Variants in ZNF639 observed in about 807,000 individuals in gnomAD.
The protein encoded by ZNF639 is zinc finger protein 639, also known as zinc finger amplified in esophageal squamous cell carcinomas 1.
Under a neutral mutation model 39.8 loss-of-function variants are expected in ZNF639, and 20 were observed. The observed-to-expected ratio is 0.50, with a 90% CI of 0.35 to 0.73. The LOEUF (loss-of-function observed/expected upper bound fraction) is 0.73, where lower values mean the gene tolerates loss of function less well. Ranked by LOEUF, ZNF639 falls within the 30% of genes least tolerant of loss-of-function variation. The pLI, the probability that ZNF639 is intolerant of heterozygous loss-of-function variation, is 0.00. For missense variants in ZNF639, 477 were observed against 566.2 expected, an observed-to-expected ratio of 0.84 and a Z score of 1.60; for synonymous variants, 176 against 189.8, an observed-to-expected ratio of 0.93 and a Z score of 0.60.
Position 179,327,029 on chromosome 3 carries a change from A to C in ZNF639, c.-82-532A>C, listed in dbSNP as rs552839971. Among the ~76,000 whole-genome samples the C allele has an allele frequency of 4.6e-5, 7 of 151,986 alleles. No individual in the cohort carries two copies. In the South Asian group the frequency reaches 1.5e-3, roughly 32 times the overall value. ...ACATGGTGAAACCCCGTCTCTGCTA[A>C]AAATAGAAAAATTAGCCCGGTGTGG... is the stretch of plus-strand genomic sequence containing the variant. On this transcript the variant is annotated intron_variant, in intron 1 of 5. Coordinates refer to ENST00000496856, the MANE Select transcript of ZNF639 (RefSeq NM_001303426.2).
Position 179,333,139 on chromosome 3 carries a change from T to C in ZNF639, c.304+16T>C. ...TTTTCTACAGGTTGGGGGAACTAAT[T>C]TATAGCATTGATATATTTTGTATTG... On this transcript the variant is annotated intron_variant, in intron 5 of 5. Coordinates refer to ENST00000496856, the MANE Select transcript of ZNF639 (RefSeq NM_001303426.2). The C allele has an allele frequency of 3.8e-6, 6 of 1,581,934 alleles. No individual in the cohort carries two copies. The highest frequency in any genetic ancestry group is 5.1e-6 in the Non-Finnish European group (6 of 1,168,666).
At position 179,335,774 on chromosome 3, in the gene ZNF639, C is replaced by CTTTTTTTTTTTTTTTTTTTTT. The variant is rs35673654; in HGVS notation, c.*1369_*1370insTTTTTTTTTTTTTTTTTTTTT. 1 of 128,600 alleles carries CTTTTTTTTTTTTTTTTTTTTT rather than the reference C, an allele frequency of 7.8e-6. No individual in the cohort carries two copies. The highest frequency in any genetic ancestry group is 1.6e-5 in the Non-Finnish European group (1 of 61,826). The allele number at this position is 128,600 out of a possible 1,614,324, so 8.0% of individuals were successfully genotyped here. A position where few individuals can be genotyped will look rare whatever the true frequency, so the allele number is the denominator to read the frequency against. ...TGCAAGTCTGTCCCCCAAATTTCCT[C>CTTTTTTTTTTTTTTTTTTTTT]TTTTTTTTTTTTTTTTTGCTTTTTT... On this transcript the variant is annotated 3_prime_UTR_variant, in exon 6 of 6. Coordinates refer to ENST00000496856, the MANE Select transcript of ZNF639 (RefSeq NM_001303426.2).
At position 179,325,962 on chromosome 3, in the gene ZNF639, C is replaced by G. The variant is rs182086175; in HGVS notation, c.-82-1599C>G. Among the ~76,000 whole-genome samples, 400 of 152,202 alleles carry G rather than the reference C, an allele frequency of 2.6e-3. 1 individual carries two copies. Among genetic ancestry groups the G allele is most frequent in the Non-Finnish European group, 4.5e-3 (304 of 68,020 alleles). On this transcript the variant is annotated intron_variant, in intron 1 of 5. Coordinates refer to ENST00000496856, the MANE Select transcript of ZNF639 (RefSeq NM_001303426.2). ...TATATCACTTCAGTGCTGATATACC[C>G]AGAACTTAGTGAAGCAGCAAAAATA...
At position 179,323,141 on chromosome 3, in the gene ZNF639, G is replaced by C; in HGVS notation, c.-233G>C. 5.1e-6 allele frequency: 5 copies of C among 984,542 alleles called. No homozygotes were observed. The highest frequency in any genetic ancestry group is 6.0e-6 in the Non-Finnish European group (5 of 829,682). The allele number at this position is 984,542 out of a possible 1,614,324, so 61.0% of individuals were successfully genotyped here. On this transcript the variant is annotated 5_prime_UTR_variant, in exon 1 of 6. Transcript: ENST00000496856. ...GGGCGCGCGGGGAGGGAGAGGGGTC[G>C]GCCCAGCACAGCGTCCGGGAGCGCT...
intron 3 of ZNF639, among the ~76,000 whole-genome samples, chr3:179,328,835 G>A (rs1265881849): frequency 6.7e-6 from 1 of 149,412 alleles, no homozygotes; most frequent in East Asian, 2.0e-4. Flanking sequence ...GAGTGCCATG[G>A]TGTGATGTCA....
At chr3:179,328,971 G>A (rs1403426029) in intron 3 of ZNF639, among the ~76,000 whole-genome samples, 1 of 152,022 alleles carries the variant, frequency 6.6e-6, no homozygotes, top group Non-Finnish European at 1.5e-5. Flanking sequence ...TAGAGATGGG[G>A]TTTCACCATG....
In ZNF639 at chr3:179,336,618, C is replaced by T. The variant is rs1711533921; in HGVS notation, c.*2196C>T. 1 of 152,156 alleles carries T rather than the reference C, an allele frequency of 6.6e-6. No homozygotes were observed. The highest frequency in any genetic ancestry group is 1.5e-5 in the Non-Finnish European group (1 of 68,012). 9.4% of individuals were successfully genotyped at this position (152,156 alleles called of 1,614,324 possible). ...CCTTAGAAAGCATCTGGTCTAAACC[C>T]TCCAGTTTTCTAAGTTCCTTGCAGA... On this transcript the variant is annotated 3_prime_UTR_variant, in exon 6 of 6. Transcript: ENST00000496856.
chr3:179,337,344 CT>C lies in ZNF639; in HGVS notation c.*2934del, dbSNP rs538503679. ...AGTTTCAGAACCATATAATTTTGTACTTTTTTTTTTTTCAGACAGTCTTGCT... is the reference window on the plus strand; with the variant it reads ...AGTTTCAGAACCATATAATTTTGTACTTTTTTTTTTTCAGACAGTCTTGCT... On this transcript the variant is annotated 3_prime_UTR_variant, in exon 6 of 6. Coordinates refer to ENST00000496856, the MANE Select transcript of ZNF639 (RefSeq NM_001303426.2). The C allele has an allele frequency of 4.3e-4, 62 of 145,066 alleles. No individual in the cohort carries two copies. Among genetic ancestry groups the C allele is most frequent in the East Asian group, 1.8e-3 (9 of 4,930 alleles). The allele number at this position is 145,066 out of a possible 1,614,324, so 9.0% of individuals were successfully genotyped here.
chr3:179,329,588 T>A, intron 3 of ZNF639, 30 bp from the exon 4 acceptor site: 5 of 1,295,596 alleles, frequency 3.9e-6, no homozygotes, highest in Non-Finnish European at 5.6e-6. Context: ...ATGTTTACTG[T>A]ACTTGAAATA....
chr3:179,333,663 T>C lies in ZNF639; in HGVS notation c.699T>C (p.Asn233=), dbSNP rs748394097. 31 of 1,614,092 alleles carry C rather than the reference T, an allele frequency of 1.9e-5. No individual in the cohort carries two copies. The Admixed American group carries it at 5.2e-4, about 27-fold the overall frequency. The change falls in exon 6 of 6, where the codon AAT becomes AAC. Residue 233 remains asparagine (N), a synonymous_variant. Transcript: ENST00000496856. ...MILKHKRTDS[N]VCRVCKESFS... is the part of the protein sequence containing the mutation. ...TGAAGCATAAACGTACTGATTCAAA[T>C]GTGTGTCGAGTATGCAAGGAAAGTT...
chr3:179,328,257 TTTG>T (rs759364981), intron 2 of ZNF639, 23 bp from the exon 3 acceptor site: 1 of 1,298,534 alleles, frequency 7.7e-7, no homozygotes, highest in East Asian at 2.3e-5. Context: ...TTGTGACATA[TTTG>T]TTAATTTTTT....
At chr3:179,332,922 GC>G in intron 4 of ZNF639, 66 bp from the exon 5 acceptor site, 3 of 1,448,516 alleles carry the variant, frequency 2.1e-6, no homozygotes, top group Non-Finnish European at 1.8e-6. Flanking sequence ...AAAAATTGAT[GC>G]TTTGTTCTAT....
chr3:179,323,359 C>G (rs1243916432), intron 1 of ZNF639, 68 bp downstream of exon 1: 2 of 985,608 alleles, frequency 2.0e-6, no homozygotes, highest in East Asian at 2.3e-4. Flanking sequence ...CGTGCGGGCG[C>G]ATCTTCTAAC....
Position 179,323,039 on chromosome 3 carries a change from C to G in ZNF639, c.-335C>G, listed in dbSNP as rs901052610. 131 of 985,100 alleles carry G rather than the reference C, an allele frequency of 1.3e-4. No homozygotes were observed. In the African/African-American group the frequency reaches 2.1e-3, roughly 16 times the overall value. 61.0% of individuals were successfully genotyped at this position (985,100 alleles called of 1,614,324 possible). On this transcript the variant is annotated 5_prime_UTR_variant, in exon 1 of 6. Coordinates refer to ENST00000496856, the MANE Select transcript of ZNF639 (RefSeq NM_001303426.2). ...CCTCTCGGCGGGCCCCTGAGGTGCG[C>G]GGCGCAGGCGCGGAGCGTGGCGGCC...
At chr3:179,331,685 G>A (rs1727918388) in intron 4 of ZNF639, among the ~76,000 whole-genome samples, 1 of 146,744 alleles carries the variant, frequency 6.8e-6, no homozygotes, top group South Asian at 2.2e-4. Flanking sequence ...TGAGGCAGGA[G>A]AATTGCTTGA....
intron 1 of ZNF639, among the ~76,000 whole-genome samples, chr3:179,327,286 C>G (rs1191504754): frequency 6.6e-6 from 1 of 151,538 alleles, no homozygotes; most frequent in Non-Finnish European, 1.5e-5. Flanking sequence ...ATTTTGGTGT[C>G]AAAAGATTTA....
At position 179,334,581 on chromosome 3, in the gene ZNF639, G is replaced by T; in HGVS notation, c.*159G>T. 2.2e-6 allele frequency: 1 copy of T among 463,080 alleles called. No individual in the cohort carries two copies. The highest frequency in any genetic ancestry group is 3.6e-6 in the Non-Finnish European group (1 of 274,490). 28.7% of individuals were successfully genotyped at this position (463,080 alleles called of 1,614,324 possible). A position where few individuals can be genotyped will look rare whatever the true frequency, so the allele number is the denominator to read the frequency against. On this transcript the variant is annotated 3_prime_UTR_variant, in exon 6 of 6. Transcript: ENST00000496856. Reference sequence around the variant, plus strand: ...TTTTATTGGCATTGCTCCATTTTCTGTATATAAATATATCTTTAATGTGGT... The same window carrying T: ...TTTTATTGGCATTGCTCCATTTTCTTTATATAAATATATCTTTAATGTGGT...
chr3:179,336,852 A>G lies in ZNF639; in HGVS notation c.*2430A>G, dbSNP rs886141701. 4 of 152,328 alleles carry G rather than the reference A, an allele frequency of 2.6e-5. No homozygotes were observed. In the East Asian group the frequency reaches 7.7e-4, roughly 29 times the overall value. 9.4% of individuals were successfully genotyped at this position (152,328 alleles called of 1,614,324 possible). ...ATAATTTTGTTTTTATGCTTTTTAT[A>G]CATCTAGCTCCAGGAATTGGATTTT... On this transcript the variant is annotated 3_prime_UTR_variant, in exon 6 of 6. Transcript: ENST00000496856.
In ZNF639 at chr3:179,337,039, T is replaced by G. The variant is rs940315290; in HGVS notation, c.*2617T>G. 6.6e-6 allele frequency: 1 copy of G among 151,888 alleles called. No homozygotes were observed. Among genetic ancestry groups the G allele is most frequent in the African/African-American group, 2.4e-5 (1 of 41,322 alleles). 9.4% of individuals were successfully genotyped at this position (151,888 alleles called of 1,614,324 possible). On this transcript the variant is annotated 3_prime_UTR_variant, in exon 6 of 6. Coordinates refer to ENST00000496856, the MANE Select transcript of ZNF639 (RefSeq NM_001303426.2). ...TTTGTGGGTGGCTGAGATGGGCAGATCACGAGGTCAGGAGATCCAGACCAT... is the reference window on the plus strand; with the variant it reads ...TTTGTGGGTGGCTGAGATGGGCAGAGCACGAGGTCAGGAGATCCAGACCAT...
Sources: gnomAD v4.1 joint callset for allele counts (sites outside exome capture counted in the v4.1 genomes callset) on GRCh38, gnomAD v4.1.1 for gene constraint, MANE v1.5 for transcripts, NCBI Gene and HGNC (gene_info 2026-07-23, HGNC 2026-07-21) for gene names.